The following CMAS variants were observed in gnomAD, a reference collection of about 807,000 sequenced individuals.
The protein encoded by CMAS is N-acylneuraminate cytidylyltransferase.
Under a neutral mutation model 53.4 loss-of-function variants are expected in CMAS, and 21 were observed. The observed-to-expected ratio is 0.39, with a 90% CI of 0.28 to 0.57. The LOEUF is 0.57. CMAS is among the 20% of genes least tolerant of loss of function. The pLI is 0.56. For missense variants in CMAS, 384 were observed against 534.9 expected, an observed-to-expected ratio of 0.72 and a Z score of 2.78; for synonymous variants, 189 against 195.2, an observed-to-expected ratio of 0.97 and a Z score of 0.27.
chr12:22,062,944 G>A (rs1018395018), intron 7 of CMAS, among the ~76,000 whole-genome samples: 4 of 152,166 alleles, frequency 2.6e-5, no homozygotes, highest in African/African-American at 9.7e-5. Flanking sequence ...TAAATGTCCT[G>A]TGAAAAATAG....
chr12:22,047,902 T>C (rs1950217003), intron 1 of CMAS, among the ~76,000 whole-genome samples: 1 of 152,200 alleles, frequency 6.6e-6, no homozygotes, highest in African/African-American at 2.4e-5. Context: ...TGCAGTAATA[T>C]AGTGAAATAT....
intron 3 of CMAS, among the ~76,000 whole-genome samples, 169 bp downstream of exon 3, chr12:22,055,779 G>C (rs553697136): frequency 1.3e-5 from 2 of 152,168 alleles, no homozygotes; most frequent in African/African-American, 4.8e-5. Context: ...ATCTGTTATC[G>C]AGCCAACACA....
intron 1 of CMAS, among the ~76,000 whole-genome samples, chr12:22,049,519 T>C (rs1481050130): frequency 6.6e-6 from 1 of 152,226 alleles, no homozygotes; most frequent in Non-Finnish European, 1.5e-5. Flanking sequence ...GTAGTTTTAT[T>C]TAATACTTCT....
In CMAS at chr12:22,055,089, C is replaced by T. The variant is rs1591793312; in HGVS notation, c.261-60C>T. On this transcript the variant is annotated intron_variant, in intron 1 of 7. Coordinates refer to ENST00000229329, the MANE Select transcript of CMAS (RefSeq NM_018686.6). ...GCTGTATTTTATGGTTACAGAGCTCCATTTTATTGTTAATGATTTCTTTTG... is the reference window on the plus strand; with the variant it reads ...GCTGTATTTTATGGTTACAGAGCTCTATTTTATTGTTAATGATTTCTTTTG... The T allele has an allele frequency of 8.2e-6, 11 of 1,346,458 alleles. No individual in the cohort carries two copies. The South Asian group carries it at 1.7e-4, about 20-fold the overall frequency. The allele number at this position is 1,346,458 out of a possible 1,614,324, so 83.4% of individuals were successfully genotyped here. A position where few individuals can be genotyped will look rare whatever the true frequency, so the allele number is the denominator to read the frequency against.
chr12:22,050,840 T>A (rs1008665367), intron 1 of CMAS, among the ~76,000 whole-genome samples: 1 of 152,044 alleles, frequency 6.6e-6, no homozygotes. Context: ...CTAAGCTTCT[T>A]ATGAGCAAGT....
chr12:22,064,987 T>C, intron 7 of CMAS, 134 bp from the exon 8 acceptor site: 1 of 570,878 alleles, frequency 1.8e-6, no homozygotes, highest in Non-Finnish European at 3.1e-6. Context: ...ATCTAATCTT[T>C]AGTATTCTTA....
chr12:22,058,065 G>A (rs1950280458), intron 3 of CMAS, among the ~76,000 whole-genome samples: 1 of 151,520 alleles, frequency 6.6e-6, no homozygotes, highest in South Asian at 2.1e-4. Context: ...GACCTCAAGT[G>A]ATCCGCCCGC....
chr12:22,055,627 C>A lies in CMAS; in HGVS notation c.559+17C>A, dbSNP rs1346789648. The A allele has an allele frequency of 6.3e-7, 1 of 1,598,008 alleles. No homozygotes were observed. The highest frequency in any genetic ancestry group is 2.2e-5 in the East Asian group (1 of 44,542). On this transcript the variant is annotated intron_variant, in intron 3 of 7. Coordinates refer to ENST00000229329, the MANE Select transcript of CMAS (RefSeq NM_018686.6). Reference sequence around the variant, plus strand: ...AGAAAGGAGGTAATCTCTTTTCAGTCTTTATTTTAGCTGATTTTATTGAGA... The same window carrying A: ...AGAAAGGAGGTAATCTCTTTTCAGTATTTATTTTAGCTGATTTTATTGAGA...
chr12:22,046,427 C>T lies in CMAS; in HGVS notation c.124C>T (p.Pro42Ser), dbSNP rs762211771. The change falls in exon 1 of 8, where the codon CCC becomes TCC. Residue 42 changes from proline to serine, a missense_variant. Pro to Ser is a moderately conservative substitution (Grantham distance 74). Transcript: ENST00000229329. Reference sequence around the variant, plus strand: ...CGGCCAGGGCCGAGGTGTGGAGAAGCCCCCGCACCTGGCAGCCCTAATTCT... The same window carrying T: ...CGGCCAGGGCCGAGGTGTGGAGAAGTCCCCGCACCTGGCAGCCCTAATTCT... Reference protein sequence around the residue: ...RGGQGRGVEKPPHLAALILAR... With the variant: ...RGGQGRGVEKSPHLAALILAR... 3.7e-6 allele frequency: 6 copies of T among 1,606,580 alleles called. No individual in the cohort carries two copies. Among genetic ancestry groups the T allele is most frequent in the Admixed American group, 1.7e-5 (1 of 59,180 alleles).
chr12:22,055,614 A>G lies in CMAS; in HGVS notation c.559+4A>G. 2 of 1,606,044 alleles carry G rather than the reference A, an allele frequency of 1.2e-6. No individual in the cohort carries two copies. The highest frequency in any genetic ancestry group is 1.7e-6 in the Non-Finnish European group (2 of 1,178,104). The stretch of plus-strand genomic sequence containing the variant: ...TGGAGTGAAATTCAGAAAGGAGGTA[A>G]TCTCTTTTCAGTCTTTATTTTAGCT... On this transcript the variant is annotated splice_donor_region_variant and intron_variant, in intron 3 of 7. Transcript: ENST00000229329.
chr12:22,060,360 A>AAAAAAAAAAAT (rs1950300664), intron 4 of CMAS, among the ~76,000 whole-genome samples: 5 of 121,760 alleles, frequency 4.1e-5, no homozygotes, highest in Admixed American at 3.3e-4. Context: ...AAAAAAAAAA[A>AAAAAAAAAAAT]GCTGGGCGTG....
At chr12:22,047,803 C>T (rs1950216173) in intron 1 of CMAS, among the ~76,000 whole-genome samples, 1 of 152,114 alleles carries the variant, frequency 6.6e-6, no homozygotes, top group South Asian at 2.1e-4. Flanking sequence ...AGTTTTTGTC[C>T]TTGTGAAGCT....
chr12:22,062,665 A>C (rs561430721), intron 7 of CMAS, among the ~76,000 whole-genome samples: 2 of 152,258 alleles, frequency 1.3e-5, no homozygotes, highest in South Asian at 4.1e-4. Context: ...GTGAAGTCAG[A>C]CTGTACCACT....
intron 1 of CMAS, among the ~76,000 whole-genome samples, chr12:22,052,567 C>T (rs989268478): frequency 1.3e-5 from 2 of 152,082 alleles, no homozygotes; most frequent in African/African-American, 4.8e-5. Flanking sequence ...ATTACCATGT[C>T]TTTTGCCTTC....
chr12:22,062,325 T>C lies in CMAS; in HGVS notation c.1005T>C (p.Ser335=), dbSNP rs1950313544. The change falls in exon 7 of 8, where the codon TCT becomes TCC. Residue 335 remains serine (S), a synonymous_variant. Coordinates refer to ENST00000229329, the MANE Select transcript of CMAS (RefSeq NM_018686.6). ...SERACSKQTL[S]SLKLDCKMEV... ...GGGCCTGTTCAAAGCAGACGCTGTC[T>C]TCTTTAAAACTGGATTGCAAAATGG... 6.2e-7 allele frequency: 1 copy of C among 1,613,640 alleles called. No individual in the cohort carries two copies. Among genetic ancestry groups the C allele is most frequent in the African/African-American group, 1.3e-5 (1 of 74,984 alleles).
Position 22,065,485 on chromosome 12 carries a change from T to TTG in CMAS, c.*175_*176insGT. On this transcript the variant is annotated 3_prime_UTR_variant, in exon 8 of 8. Transcript: ENST00000229329. Reference sequence around the variant, plus strand: ...CGCAAGATAATTATTTAGAGACTGATTACAGTCTTTCTCAGATTTTTAGTA... The same window carrying TTG: ...CGCAAGATAATTATTTAGAGACTGATTGTACAGTCTTTCTCAGATTTTTAGTA... 2 of 554,842 alleles carry TTG rather than the reference T, an allele frequency of 3.6e-6. No homozygotes were observed. The highest frequency in any genetic ancestry group is 6.4e-6 in the Non-Finnish European group (2 of 314,592). The allele number at this position is 554,842 out of a possible 1,614,324, so 34.4% of individuals were successfully genotyped here.
intron 6 of CMAS, 82 bp from the exon 7 acceptor site, chr12:22,062,199 C>T (rs1950312331): frequency 3.1e-6 from 4 of 1,298,560 alleles, no homozygotes; most frequent in Non-Finnish European, 4.2e-6. Context: ...TCTACAAGGT[C>T]AATTATTATG....
At chr12:22,055,029 T>C (rs1950259200) in intron 1 of CMAS, 120 bp from the exon 2 acceptor site, 1 of 626,274 alleles carries the variant, frequency 1.6e-6, no homozygotes, top group Middle Eastern at 3.2e-4. Context: ...GTAACATTAT[T>C]ATCATTGTGC....
chr12:22,065,464 A>G lies in CMAS; in HGVS notation c.*153A>G, dbSNP rs931064545. 9 of 591,302 alleles carry G rather than the reference A, an allele frequency of 1.5e-5. No individual in the cohort carries two copies. Among genetic ancestry groups the G allele is most frequent in the Middle Eastern group, 4.8e-4 (1 of 2,104 alleles). 36.6% of individuals were successfully genotyped at this position (591,302 alleles called of 1,614,324 possible). On this transcript the variant is annotated 3_prime_UTR_variant, in exon 8 of 8. Transcript: ENST00000229329. The stretch of plus-strand genomic sequence containing the variant: ...TGTGCTCTACTTTTCTCTTTACGCA[A>G]GATAATTATTTAGAGACTGATTACA...
Sources: gnomAD v4.1 joint callset for allele counts (sites outside exome capture counted in the v4.1 genomes callset) on GRCh38, gnomAD v4.1.1 for gene constraint, MANE v1.5 for transcripts, NCBI Gene and HGNC (gene_info 2026-07-23, HGNC 2026-07-21) for gene names.